Variants in LONP2 observed in about 807,000 individuals in gnomAD.
LONP2 encodes the protein lon protease homolog 2, peroxisomal.
A neutral mutation model predicts 85.6 loss-of-function variants in LONP2; 60 were observed. The observed-to-expected ratio is 0.70, with a 90% confidence interval of 0.57 to 0.87. LONP2 has a LOEUF of 0.87. Among genes scored for constraint, LONP2 ranks in the 40% least tolerant of loss-of-function variants. The probability of loss-of-function intolerance (pLI) is 0.00; values close to 1 mark genes in which losing one functional copy is unlikely to be tolerated. For missense variants in LONP2, 860 were observed against 1,063.5 expected (o/e 0.81, Z 2.66); for synonymous variants, 395 against 389.7 (o/e 1.01, Z -0.16).
In LONP2 at chr16:48,283,726, G is replaced by C. The variant is rs1457507805; in HGVS notation, c.1383+6247G>C. On this transcript the variant is annotated intron_variant, in intron 8 of 14. Coordinates refer to ENST00000285737, the MANE Select transcript of LONP2 (RefSeq NM_031490.5). ...GGAGATGTACAAGGAGATTAATACT[G>C]TTTTCATTCCTTATAAAACAACATC... Among the ~76,000 whole-genome samples the C allele has an allele frequency of 2.0e-5, 3 of 152,174 alleles. No homozygotes were observed. The South Asian group carries it at 6.2e-4, about 32-fold the overall frequency.
intron 6 of LONP2, among the ~76,000 whole-genome samples, chr16:48,264,683 G>A (rs1392808438): frequency 6.6e-6 from 1 of 152,212 alleles, no homozygotes; most frequent in Non-Finnish European, 1.5e-5. Context: ...TATTGATTGA[G>A]GAAGTGATAA....
Position 48,304,845 on chromosome 16 carries a change from T to A in LONP2, c.1795+1540T>A, listed in dbSNP as rs74017904. On this transcript the variant is annotated intron_variant, in intron 11 of 14. Coordinates refer to ENST00000285737, the MANE Select transcript of LONP2 (RefSeq NM_031490.5). Reference sequence around the variant, plus strand: ...ACATGAGTTGTAGGGAATTGACAATTTCTTTCATAGTAAAGAGATTTATTA... The same window carrying A: ...ACATGAGTTGTAGGGAATTGACAATATCTTTCATAGTAAAGAGATTTATTA... Among the ~76,000 whole-genome samples the A allele has an allele frequency of 5.5e-3, 839 of 152,376 alleles. 6 individuals are homozygous for A. Among genetic ancestry groups the A allele is most frequent in the African/African-American group, 0.019 (788 of 41,588 alleles).
intron 14 of LONP2, among the ~76,000 whole-genome samples, chr16:48,351,271 T>C (rs1960136611): frequency 6.6e-6 from 1 of 152,150 alleles, no homozygotes; most frequent in Non-Finnish European, 1.5e-5. Flanking sequence ...ACGGTTGTGA[T>C]TACACCTGAA....
chr16:48,303,439 C>A, intron 11 of LONP2, 134 bp downstream of exon 11: 1 of 914,598 alleles, frequency 1.1e-6, no homozygotes, highest in Non-Finnish European at 1.7e-6. Flanking sequence ...TAAATGCATC[C>A]AGTAAGTAAT....
At chr16:48,260,688 G>C (rs907598240) in intron 4 of LONP2, among the ~76,000 whole-genome samples, 2 of 152,212 alleles carry the variant, frequency 1.3e-5, no homozygotes, top group African/African-American at 4.8e-5. Flanking sequence ...ATTTCAAGGA[G>C]CATATAAGGT....
chr16:48,263,720 C>T (rs1971924636), intron 6 of LONP2, among the ~76,000 whole-genome samples: 1 of 152,182 alleles, frequency 6.6e-6, no homozygotes, highest in Non-Finnish European at 1.5e-5. Context: ...GCTGTTTACC[C>T]AGAGGTGGCA....
In LONP2 at chr16:48,262,286, A is replaced by G. The variant is rs116481031; in HGVS notation, c.888-492A>G. ...TCACTCATCTCTGATACAAAAAAAA[A>G]TGTATTGTATTATGCATAGTTAGGC... On this transcript the variant is annotated intron_variant, in intron 5 of 14. Coordinates refer to ENST00000285737, the MANE Select transcript of LONP2 (RefSeq NM_031490.5). 3.4e-3 allele frequency among the ~76,000 whole-genome samples: 516 copies of G among 152,304 alleles called. 2 individuals are homozygous for G. Among genetic ancestry groups the G allele is most frequent in the African/African-American group, 0.012 (494 of 41,564 alleles).
chr16:48,350,629 G>A (rs1328755104), intron 14 of LONP2, among the ~76,000 whole-genome samples: 1 of 152,174 alleles, frequency 6.6e-6, no homozygotes, highest in Non-Finnish European at 1.5e-5. Context: ...GTCTTAATTG[G>A]AGCAGATGCA....
intron 11 of LONP2, among the ~76,000 whole-genome samples, chr16:48,304,427 G>A (rs1208141533): frequency 6.6e-6 from 1 of 152,180 alleles, no homozygotes; most frequent in Non-Finnish European, 1.5e-5. Context: ...TAACTGGCCA[G>A]GCACAGTGGC....
downstream of LONP2, chr16:48,361,463 C>T: frequency 1.1e-6 from 1 of 935,084 alleles, no homozygotes; most frequent in Non-Finnish European, 1.7e-6. Flanking sequence ...TTTTATTTAC[C>T]TTCATGTGTC....
chr16:48,245,818 A>G (rs946109877), intron 1 of LONP2, among the ~76,000 whole-genome samples: 1 of 152,164 alleles, frequency 6.6e-6, no homozygotes, highest in African/African-American at 2.4e-5. Flanking sequence ...GGTCCACATT[A>G]TATTTTTATT....
At chr16:48,318,794 GCAGTTCTC>G (rs1973199770) in intron 11 of LONP2, among the ~76,000 whole-genome samples, 2 of 152,170 alleles carry the variant, frequency 1.3e-5, no homozygotes, top group Admixed American at 1.3e-4. Flanking sequence ...TTCTCAGGAT[GCAGTTCTC>G]CAGGAGGAAT....
intron 1 of LONP2, among the ~76,000 whole-genome samples, chr16:48,248,946 A>C (rs1351920165): frequency 6.6e-6 from 1 of 151,990 alleles, no homozygotes; most frequent in South Asian, 2.1e-4. Flanking sequence ...TATTTACATA[A>C]TATCCTCATC....
chr16:48,350,076 A>G (rs143575256), intron 14 of LONP2, among the ~76,000 whole-genome samples: 1 of 152,294 alleles, frequency 6.6e-6, no homozygotes, highest in Non-Finnish European at 1.5e-5. Context: ...ATATATCTCT[A>G]CAAAAATTGT....
chr16:48,276,775 T>C (rs74016383), intron 7 of LONP2, among the ~76,000 whole-genome samples: 2,087 of 152,328 alleles, frequency 0.014, 47 homozygotes, highest in African/African-American at 0.047. Flanking sequence ...CCCAGATCCT[T>C]ATACTATAAT....
rs1275344979 is a variant in LONP2, at chr16:48,347,716, TAGG to T, written c.2146+5_2146+7del. On this transcript the variant is annotated splice_donor_5th_base_variant and intron_variant, in intron 13 of 14. Transcript: ENST00000285737. ...CAAAGAAGTACCAGCTGACCAATGG[TAGG>T]AGCCTGCACCCGGCCAGGCAGGCGT... 6.2e-7 allele frequency: 1 copy of T among 1,611,458 alleles called. No individual in the cohort carries two copies.
At chr16:48,282,663 T>A (rs979029476) in intron 8 of LONP2, among the ~76,000 whole-genome samples, 3 of 152,200 alleles carry the variant, frequency 2.0e-5, no homozygotes, top group African/African-American at 7.2e-5. Context: ...AATCAATAAA[T>A]GTTGAGTATG....
At chr16:48,298,625 AGGTGTGT>A (rs1012941302) in intron 9 of LONP2, among the ~76,000 whole-genome samples, 4 of 77,080 alleles carry the variant, frequency 5.2e-5, no homozygotes, top group African/African-American at 2.0e-4. Flanking sequence ...TATTTAATTG[AGGTGTGT>A]GTGTGTGTGT....
In LONP2 at chr16:48,347,448, T is replaced by C. The variant is rs559111662; in HGVS notation, c.1939-59T>C. On this transcript the variant is annotated intron_variant, in intron 12 of 14. Coordinates refer to ENST00000285737, the MANE Select transcript of LONP2 (RefSeq NM_031490.5). Reference sequence around the variant, plus strand: ...GTCAGCCGACTCTTGCAGGATTGTGTGGTATCAGTCACCTTTAGCATTTGC... The same window carrying C: ...GTCAGCCGACTCTTGCAGGATTGTGCGGTATCAGTCACCTTTAGCATTTGC... 1.5e-4 allele frequency: 230 copies of C among 1,537,638 alleles called. 1 individual carries two copies. In the South Asian group the frequency reaches 2.4e-3, roughly 16 times the overall value.
Sources: gnomAD v4.1 joint callset for allele counts (sites outside exome capture counted in the v4.1 genomes callset) on GRCh38, gnomAD v4.1.1 for gene constraint, MANE v1.5 for transcripts, NCBI Gene and HGNC (gene_info 2026-07-23, HGNC 2026-07-21) for gene names.